NHSL1: variants seen among roughly 807,000 people sequenced by gnomAD.
NHSL1 encodes the protein NHS like 1, also known as NHS-like protein 1.
A neutral mutation model predicts 95.0 loss-of-function variants in NHSL1; 48 were observed. The ratio of observed to expected loss-of-function variants is 0.51; its 90% CI spans 0.40 to 0.64. The LOEUF (loss-of-function observed/expected upper bound fraction) is 0.64, where lower values mean the gene tolerates loss of function less well. Ranked by LOEUF, NHSL1 falls within the 30% of genes least tolerant of loss-of-function variation. The probability of loss-of-function intolerance (pLI) is 0.00; values close to 1 mark genes in which losing one functional copy is unlikely to be tolerated. For missense variants in NHSL1, 1,971 were observed against 2,077.7 expected, an observed-to-expected ratio of 0.95 and a Z score of 1.00; for synonymous variants, 783 against 833.9, an observed-to-expected ratio of 0.94 and a Z score of 1.05.
chr6:138,679,794 G>A (rs1484306925), intron 1 of NHSL1, among the ~76,000 whole-genome samples: 1 of 151,990 alleles, frequency 6.6e-6, no homozygotes, highest in Non-Finnish European at 1.5e-5. Context: ...TACAACATGG[G>A]GGAATAGCTC....
intron 1 of NHSL1, among the ~76,000 whole-genome samples, chr6:138,608,302 T>C (rs745367831): frequency 6.6e-6 from 1 of 152,202 alleles, no homozygotes; most frequent in Non-Finnish European, 1.5e-5. Flanking sequence ...TCCAACGAGA[T>C]AGCCTCAAGA....
At chr6:138,586,400 T>C (rs754444018) in intron 1 of NHSL1, among the ~76,000 whole-genome samples, 20 of 152,242 alleles carry the variant, frequency 1.3e-4, no homozygotes, top group Admixed American at 2.6e-4. Context: ...CAGCCCAAAA[T>C]CTTTAATTTA....
At chr6:138,427,752 G>C (rs1013386247) in intron 7 of NHSL1, among the ~76,000 whole-genome samples, 5 of 152,340 alleles carry the variant, frequency 3.3e-5, no homozygotes, top group African/African-American at 1.2e-4. Context: ...TTTGGAAGCT[G>C]TGTTTCAACT....
Position 138,432,305 on chromosome 6 carries a change from G to A in NHSL1, c.2040C>T (p.Ser680=), listed in dbSNP as rs968754180. 2 of 1,551,634 alleles carry A rather than the reference G, an allele frequency of 1.3e-6. No individual in the cohort carries two copies. Among genetic ancestry groups the A allele is most frequent in the African/African-American group, 1.4e-5 (1 of 73,152 alleles). The change falls in exon 6 of 8, where the codon TCC becomes TCT. Residue 680 remains serine (S), a synonymous_variant. Coordinates refer to ENST00000343505, the MANE Select transcript of NHSL1 (RefSeq NM_001144060.2). This position sits in a 1 kb window ranked among gnomAD's most constrained non-coding sequence, Gnocchi z 4.4. The part of the protein sequence containing the change: ...KPPLPPSRTD[S]LRRIPKKSSQ... ...TGCTCTTCTTGGGAATCCTGCGGAG[G>A]GAGTCTGTCCGGGAGGGTGGCAGGG...
At chr6:138,458,554 C>T (rs1186075442) in intron 3 of NHSL1, among the ~76,000 whole-genome samples, 6 of 151,820 alleles carry the variant, frequency 4.0e-5, no homozygotes, top group African/African-American at 9.7e-5. Context: ...TTAGGCTGGG[C>T]GTGGTGGCTC....
intron 3 of NHSL1, among the ~76,000 whole-genome samples, chr6:138,457,959 G>T (rs60475776): frequency 0.08 from 11,652 of 145,916 alleles, 1,325 homozygotes; most frequent in African/African-American, 0.26. Context: ...GGTGAGTCAA[G>T]ATTGTGCCAC....
intron 1 of NHSL1, among the ~76,000 whole-genome samples, chr6:138,615,656 G>A (rs57888669): frequency 0.15 from 23,042 of 152,236 alleles, 2,344 homozygotes; most frequent in African/African-American, 0.29. Flanking sequence ...ATTCTTAGTA[G>A]AGACGGGGGT....
rs183626420 is a variant in NHSL1, at chr6:138,555,513, A to G, written c.202+16197T>C. Among the ~76,000 whole-genome samples, 59 of 152,318 alleles carry G rather than the reference A, an allele frequency of 3.9e-4. No homozygotes were observed. In the East Asian group the frequency reaches 6.9e-3, roughly 18 times the overall value. On this transcript the variant is annotated intron_variant, in intron 1 of 6. Transcript: ENST00000427025. Reference sequence around the variant, plus strand: ...CTAGGGACTTCAGTTCCTAACAAAGAAAGGCTGCAGCCTGGTGCCCTTGGG... The same window carrying G: ...CTAGGGACTTCAGTTCCTAACAAAGGAAGGCTGCAGCCTGGTGCCCTTGGG...
chr6:138,659,228 T>C (rs1260237450), intron 1 of NHSL1, among the ~76,000 whole-genome samples: 1 of 151,922 alleles, frequency 6.6e-6, no homozygotes, highest in African/African-American at 2.4e-5. Context: ...TTTTGTATTT[T>C]TAGTAAAGAC....
chr6:138,510,964 G>A (rs1319269317), intron 1 of NHSL1, among the ~76,000 whole-genome samples: 1 of 152,038 alleles, frequency 6.6e-6, no homozygotes, highest in African/African-American at 2.4e-5. Context: ...TGTTATTAGA[G>A]GGCAATACAA....
chr6:138,468,615 A>G (rs1248206856), intron 3 of NHSL1, among the ~76,000 whole-genome samples: 1 of 152,188 alleles, frequency 6.6e-6, no homozygotes, highest in Non-Finnish European at 1.5e-5. Context: ...GAACAGTTTC[A>G]TCCCAAAACT....
intron 1 of NHSL1, among the ~76,000 whole-genome samples, chr6:138,646,199 A>G (rs1264150684): frequency 2.0e-5 from 3 of 152,200 alleles, no homozygotes. Context: ...TACCACACAA[A>G]TCCCTTGTTA....
chr6:138,498,945 G>A (rs2128288853), intron 1 of NHSL1, among the ~76,000 whole-genome samples: 1 of 152,252 alleles, frequency 6.6e-6, no homozygotes, highest in South Asian at 2.1e-4. Context: ...CAGAAGAAGT[G>A]AATTCACTTA....
chr6:138,486,520 C>G (rs1418018878), intron 2 of NHSL1, among the ~76,000 whole-genome samples: 1 of 152,006 alleles, frequency 6.6e-6, no homozygotes, highest in Non-Finnish European at 1.5e-5. Flanking sequence ...TTCTTCTTCC[C>G]CAGTTGTGCT....
chr6:138,477,070 T>A (rs991254496), intron 2 of NHSL1, among the ~76,000 whole-genome samples: 1 of 151,956 alleles, frequency 6.6e-6, no homozygotes, highest in African/African-American at 2.4e-5. Flanking sequence ...AACTTTCCTG[T>A]GGTCCTAGAA....
At position 138,444,017 on chromosome 6, in the gene NHSL1, T is replaced by C. The variant is rs147678140; in HGVS notation, c.533-1903A>G. 6.6e-3 allele frequency among the ~76,000 whole-genome samples: 1,011 copies of C among 152,244 alleles called. 9 individuals are homozygous for C. The highest frequency in any genetic ancestry group is 0.023 in the African/African-American group (964 of 41,536). ...ATCATGACCTAAAAGTCTCTTCTAC[T>C]GGATTATACATTTTTTGAGGGTACA... On this transcript the variant is annotated intron_variant, in intron 4 of 7. Coordinates refer to ENST00000343505, the MANE Select transcript of NHSL1 (RefSeq NM_001144060.2).
chr6:138,680,621 A>C (rs564751025), intron 1 of NHSL1, among the ~76,000 whole-genome samples: 12 of 151,844 alleles, frequency 7.9e-5, no homozygotes, highest in Non-Finnish European at 1.6e-4. Flanking sequence ...TTCCTCTTTT[A>C]TTTTATTTTT....
At chr6:138,502,614 AAAAAG>A (rs1780747101), upstream of NHSL1, among the ~76,000 whole-genome samples, 1 of 152,182 alleles carries the variant, frequency 6.6e-6, no homozygotes. Flanking sequence ...CACAGGGCAA[AAAAAG>A]AAAAAGAAAT....
intron 3 of NHSL1, among the ~76,000 whole-genome samples, chr6:138,447,905 T>G (rs1776967790): frequency 6.6e-6 from 1 of 152,238 alleles, no homozygotes; most frequent in South Asian, 2.1e-4. Context: ...CTAGCCTCAA[T>G]CTTATTTCCT....
Sources: allele counts gnomAD v4.1 joint callset (sites outside exome capture counted in the v4.1 genomes callset), GRCh38; gene constraint gnomAD v4.1.1; non-coding constraint Gnocchi (gnomAD v3.1); transcripts MANE v1.5; gene names NCBI Gene and HGNC (gene_info 2026-07-23, HGNC 2026-07-21).